BCAS2: variants seen among roughly 807,000 people sequenced by gnomAD.
The protein encoded by BCAS2 is pre-mRNA-splicing factor SPF27.
A neutral mutation model predicts 35.3 loss-of-function variants in BCAS2; 34 were observed. The observed-to-expected ratio is 0.96, with a 90% CI of 0.73 to 1.28. The LOEUF (loss-of-function observed/expected upper bound fraction) is 1.28. BCAS2 is among the 50% of genes most tolerant of loss of function. The probability of loss-of-function intolerance (pLI) is 0.00; values close to 1 mark genes in which losing one functional copy is unlikely to be tolerated. For synonymous variants in BCAS2, 75 were observed against 91.6 expected (o/e 0.82, Z 1.03); for missense variants, 221 against 268.1 (o/e 0.82, Z 1.23).
chr1:114,577,298 A>G (rs1654789747), intron 2 of BCAS2, among the ~76,000 whole-genome samples: 1 of 152,224 alleles, frequency 6.6e-6, no homozygotes, highest in Non-Finnish European at 1.5e-5. Context: ...ACCAGCAAGA[A>G]GGCCCTCACC....
rs1654621532 is a variant in BCAS2 at position 114,570,691 on chromosome 1, A to C, written c.470+9T>G. 6.4e-7 allele frequency: 1 copy of C among 1,569,962 alleles called. No homozygotes were observed. The highest frequency in any genetic ancestry group is 1.4e-5 in the African/African-American group (1 of 73,474). On this transcript the variant is annotated intron_variant, in intron 5 of 6. Transcript: ENST00000369541. ...AAACTTCATTCTGTAATAGGAAAAA[A>C]CAATTTACCTTAACTTCTGAAGTTC... is the stretch of plus-strand genomic sequence containing the variant.
rs1212752363 is a variant in BCAS2, at chr1:114,568,167, C to T, written c.641G>A (p.Gly214Glu). ...NEIYQIKQQH[G>E]EANKENIRQD... The stretch of plus-strand genomic sequence containing the variant: ...CCGGATGTTTTCTTTGTTTGCCTCT[C>T]CATGTTGCTGCTTAATTTGATAGAT... The change falls in exon 7 of 7, where the codon GGA (glycine) becomes GAA (glutamate). Residue 214 changes from glycine (G) to glutamate (E), a missense_variant. Gly to Glu is a moderately conservative substitution (Grantham distance 98). Coordinates refer to ENST00000369541, the MANE Select transcript of BCAS2 (RefSeq NM_005872.3). The T allele has an allele frequency of 6.2e-7, 1 of 1,613,370 alleles. No individual in the cohort carries two copies. Among genetic ancestry groups the T allele is most frequent in the Admixed American group, 1.7e-5 (1 of 60,018 alleles).
chr1:114,570,122 A>C, intron 5 of BCAS2, 50 bp from the exon 6 acceptor site: 1 of 1,281,630 alleles, frequency 7.8e-7, no homozygotes, highest in Non-Finnish European at 1.1e-6. Context: ...GTAAGACCTA[A>C]ATCAACAGAA....
At chr1:114,569,894 C>G in intron 6 of BCAS2, 98 bp downstream of exon 6, 1 of 883,724 alleles carries the variant, frequency 1.1e-6, no homozygotes, top group Middle Eastern at 3.3e-4. Flanking sequence ...TCTTTGTTAC[C>G]TGTGGCATCC....
At chr1:114,576,825 A>T in intron 2 of BCAS2, 67 bp from the exon 3 acceptor site, 1 of 1,254,142 alleles carries the variant, frequency 8.0e-7, no homozygotes, top group South Asian at 1.2e-5. Context: ...CAATCACCAA[A>T]GAACAGATTT....
intron 2 of BCAS2, among the ~76,000 whole-genome samples, chr1:114,577,375 T>TA (rs1425938534): frequency 6.7e-6 from 1 of 150,058 alleles, no homozygotes; most frequent in African/African-American, 2.4e-5. Context: ...ATTTATTTAT[T>TA]TATTTTTTTT....
Position 114,581,606 on chromosome 1 carries a change from G to A in BCAS2, c.-15C>T, listed in dbSNP as rs764013201. 3.1e-6 allele frequency: 5 copies of A among 1,612,466 alleles called. No homozygotes were observed. Among genetic ancestry groups the A allele is most frequent in the Non-Finnish European group, 3.4e-6 (4 of 1,179,814 alleles). On this transcript the variant is annotated 5_prime_UTR_variant, in exon 1 of 7. Transcript: ENST00000369541. ...GTGCCCGCCATTCTGAGGACCTCAG[G>A]TTTGCCTGCGTTTTCTGCGTCTGCG...
At position 114,581,566 on chromosome 1, in the gene BCAS2, C is replaced by G. The variant is rs753710764; in HGVS notation, c.26G>C (p.Gly9Ala). Residue 9 changes from glycine to alanine, a missense_variant, in exon 1 of 7, where the codon GGA (glycine) becomes GCA (alanine). Coordinates refer to ENST00000369541, the MANE Select transcript of BCAS2 (RefSeq NM_005872.3). ...CGGCAGCGCATCCACCACAACCTCT[C>G]CAGCCACCAAACCTGTGCCCGCCAT... MAGTGLVA[G>A]EVVVDALPYF... is the part of the protein sequence containing the mutation. The G allele has an allele frequency of 1.9e-6, 3 of 1,613,254 alleles. No individual in the cohort carries two copies. The highest frequency in any genetic ancestry group is 2.5e-6 in the Non-Finnish European group (3 of 1,179,898).
At chr1:114,579,796 G>A (rs1192233512) in intron 2 of BCAS2, among the ~76,000 whole-genome samples, 1 of 152,156 alleles carries the variant, frequency 6.6e-6, no homozygotes, top group Non-Finnish European at 1.5e-5. Flanking sequence ...AGCCCGGAAG[G>A]TGGAGGTTGC....
Position 114,575,605 on chromosome 1 carries a change from C to T in BCAS2, c.404G>A (p.Trp135Ter). Residue 135 changes from tryptophan to a stop codon, truncating the protein, a stop_gained, in exon 4 of 7, where the codon TGG becomes TAG. Transcript: ENST00000369541. LOFTEE classifies it high-confidence loss of function. Reference protein sequence around the residue: ...ELMSQHGCNAWKVYNENLVHM... With the variant: ...ELMSQHGCNA ...AGGTTCTTACTCATTGTATACTTTC[C>T]AGGCATTACATCCATGCTGTGACAT... 1 of 1,602,458 alleles carries T rather than the reference C, an allele frequency of 6.2e-7. No homozygotes were observed. The highest frequency in any genetic ancestry group is 8.5e-7 in the Non-Finnish European group (1 of 1,177,394).
intron 4 of BCAS2, among the ~76,000 whole-genome samples, chr1:114,573,264 T>G (rs1289556358): frequency 6.6e-6 from 1 of 151,980 alleles, no homozygotes; most frequent in African/African-American, 2.4e-5. Flanking sequence ...TCTCCATTCC[T>G]GGAATGTTTT....
At chr1:114,576,848 C>T in intron 2 of BCAS2, 90 bp from the exon 3 acceptor site, 1 of 904,726 alleles carries the variant, frequency 1.1e-6, no homozygotes, top group Non-Finnish European at 1.7e-6. Flanking sequence ...GCTACACTAC[C>T]CATTATAATG....
In BCAS2 at chr1:114,567,922, T is replaced by C. The variant is rs1654559201; in HGVS notation, c.*208A>G. On this transcript the variant is annotated 3_prime_UTR_variant, in exon 7 of 7. Coordinates refer to ENST00000369541, the MANE Select transcript of BCAS2 (RefSeq NM_005872.3). ...TTTTGAAAGCCTAAAGATTTTCTTTTATGGCTATAAAAATACCACCAAGCT... is the reference window on the plus strand; with the variant it reads ...TTTTGAAAGCCTAAAGATTTTCTTTCATGGCTATAAAAATACCACCAAGCT... 5.5e-6 allele frequency: 3 copies of C among 547,150 alleles called. No individual in the cohort carries two copies. Among genetic ancestry groups the C allele is most frequent in the Admixed American group, 6.6e-5 (2 of 30,102 alleles). 33.9% of individuals were successfully genotyped at this position (547,150 alleles called of 1,614,324 possible).
intron 3 of BCAS2, among the ~76,000 whole-genome samples, chr1:114,576,007 T>G (rs1395958639): frequency 6.6e-6 from 1 of 152,180 alleles, no homozygotes; most frequent in Non-Finnish European, 1.5e-5. Context: ...TTACATTAGC[T>G]ATTAAATGTT....
At chr1:114,571,902 C>T (rs1654652471) in intron 4 of BCAS2, among the ~76,000 whole-genome samples, 1 of 152,126 alleles carries the variant, frequency 6.6e-6, no homozygotes, top group South Asian at 2.1e-4. Context: ...AGATACCAGT[C>T]CAGGTCAGCT....
intron 2 of BCAS2, among the ~76,000 whole-genome samples, chr1:114,577,086 C>T (rs987062386): frequency 6.6e-6 from 1 of 152,204 alleles, no homozygotes; most frequent in East Asian, 1.9e-4. Context: ...GAAATTCATA[C>T]AGAAACTTAA....
At chr1:114,568,863 A>G (rs1365118087) in intron 6 of BCAS2, among the ~76,000 whole-genome samples, 1 of 150,932 alleles carries the variant, frequency 6.6e-6, no homozygotes, top group Admixed American at 6.6e-5. Flanking sequence ...CCTGAGCTCA[A>G]GCAATCCTCC....
At chr1:114,576,247 C>CTCTCTATA (rs1423198106) in intron 3 of BCAS2, among the ~76,000 whole-genome samples, 28 of 131,672 alleles carry the variant, frequency 2.1e-4, no homozygotes, top group African/African-American at 6.1e-4. Context: ...CTCTCTCTCT[C>CTCTCTATA]TATATATATA....
At chr1:114,580,445 T>C (rs370368895) in intron 2 of BCAS2, among the ~76,000 whole-genome samples, 2 of 152,230 alleles carry the variant, frequency 1.3e-5, no homozygotes, top group Admixed American at 1.3e-4. Context: ...TAGAACAGCA[T>C]CTGACTCCTT....
Sources: gnomAD v4.1 joint callset for allele counts (sites outside exome capture counted in the v4.1 genomes callset) on GRCh38, gnomAD v4.1.1 for gene constraint, MANE v1.5 for transcripts, NCBI Gene and HGNC (gene_info 2026-07-23, HGNC 2026-07-21) for gene names.